The following DLL1 variants were observed in gnomAD, a reference collection of about 807,000 sequenced individuals.
The protein encoded by DLL1 is delta like canonical Notch ligand 1, also known as delta-like protein 1.
Under a neutral mutation model 75.1 loss-of-function variants are expected in DLL1, and 9 were observed. The ratio of observed to expected loss-of-function variants is 0.12; its 90% CI spans 0.07 to 0.21. The LOEUF (loss-of-function observed/expected upper bound fraction) is 0.21. DLL1 is among the 10% of genes least tolerant of loss of function. The probability of loss-of-function intolerance (pLI) is 1.00; values close to 1 mark genes in which losing one functional copy is unlikely to be tolerated. For missense variants in DLL1, 837 were observed against 1,007.6 expected (o/e 0.83, Z 2.29); for synonymous variants, 477 against 418.3 (o/e 1.14, Z -1.71).
chr6:170,282,835 T>C lies in DLL1; in HGVS notation c.*39A>G, dbSNP rs1033583. The stretch of plus-strand genomic sequence containing the variant: ...GCATATATCCTTGGAATTTTACTTA[T>C]TTTAAGAGAAACGGGAGTCTTGCCA... On this transcript the variant is annotated 3_prime_UTR_variant, in exon 11 of 11. Coordinates refer to ENST00000366756, the MANE Select transcript of DLL1 (RefSeq NM_005618.4). 6.2e-7 allele frequency: 1 copy of C among 1,613,702 alleles called. No individual in the cohort carries two copies. The highest frequency in any genetic ancestry group is 2.2e-5 in the East Asian group (1 of 44,864).
chr6:170,284,155 A>G, intron 8 of DLL1, 126 bp from the exon 9 acceptor site: 1 of 1,226,322 alleles, frequency 8.2e-7, no homozygotes, highest in South Asian at 1.3e-5. Context: ...TGTGGCCTGA[A>G]TGAGTCCACA....
Position 170,282,715 on chromosome 6 carries a change from G to A in DLL1, c.*159C>T, listed in dbSNP as rs574425432. 26 of 1,258,722 alleles carry A rather than the reference G, an allele frequency of 2.1e-5. No homozygotes were observed. The East Asian group carries it at 2.6e-4, about 12-fold the overall frequency. The allele number at this position is 1,258,722 out of a possible 1,614,324, so 78.0% of individuals were successfully genotyped here. A position where few individuals can be genotyped will look rare whatever the true frequency, so the allele number is the denominator to read the frequency against. ...GGGCCGCGACAGGCTGTCGGCAGGC[G>A]TCGAGGACCTCAGGAGGAGAACCTG... On this transcript the variant is annotated 3_prime_UTR_variant, in exon 11 of 11. Transcript: ENST00000366756.
In DLL1 at chr6:170,288,874, G is replaced by A. The variant is rs563504687; in HGVS notation, c.352-85C>T. On this transcript the variant is annotated intron_variant, in intron 2 of 10. Coordinates refer to ENST00000366756, the MANE Select transcript of DLL1 (RefSeq NM_005618.4). ...AAAAGCAGTCATTCCTAACAGCCAGGTCAGCAACAGAGGCCTGAAGGCTGC... is the reference window on the plus strand; with the variant it reads ...AAAAGCAGTCATTCCTAACAGCCAGATCAGCAACAGAGGCCTGAAGGCTGC... The A allele has an allele frequency of 7.4e-5, 110 of 1,485,706 alleles. No homozygotes were observed. In the South Asian group the frequency reaches 1.2e-3, roughly 16 times the overall value. The allele number at this position is 1,485,706 out of a possible 1,614,324, so 92.0% of individuals were successfully genotyped here. A position where few individuals can be genotyped will look rare whatever the true frequency, so the allele number is the denominator to read the frequency against.
At chr6:170,285,538 G>A (rs374614554) in intron 6 of DLL1, 31 bp downstream of exon 6, 8 of 1,614,028 alleles carry the variant, frequency 5.0e-6, no homozygotes, top group Non-Finnish European at 5.1e-6. Flanking sequence ...GCTCTGGAGG[G>A]AGCAGGCTGC....
In DLL1 at chr6:170,290,109, C is replaced by T. The variant is rs1339836464; in HGVS notation, c.31G>A (p.Val11Met). 16 of 1,592,090 alleles carry T rather than the reference C, an allele frequency of 1.0e-5. No individual in the cohort carries two copies. The highest frequency in any genetic ancestry group is 1.4e-5 in the Non-Finnish European group (16 of 1,177,142). ...ACCTGACACAGCAAGGCCGAGAGCACCGCCAGGGCCAGCGCGCACCGACTG... is the reference window on the plus strand; with the variant it reads ...ACCTGACACAGCAAGGCCGAGAGCATCGCCAGGGCCAGCGCGCACCGACTG... MGSRCALALA[V>M]LSALLCQVWS... Residue 11 changes from valine (V) to methionine (M), a missense_variant, in exon 1 of 11, where the codon GTG becomes ATG. This residue lies in a region of DLL1 where 304 missense variants were observed against 461.9 expected (regional missense o/e 0.66). Coordinates refer to ENST00000366756, the MANE Select transcript of DLL1 (RefSeq NM_005618.4). The surrounding 1 kb of genome is among the most constrained non-coding windows in gnomAD (Gnocchi z 4.7).
Position 170,282,480 on chromosome 6 carries a change from A to G in DLL1, c.*394T>C, listed in dbSNP as rs1583150408. 2 of 296,010 alleles carry G rather than the reference A, an allele frequency of 6.8e-6. No individual in the cohort carries two copies. Among genetic ancestry groups the G allele is most frequent in the Non-Finnish European group, 6.3e-6 (1 of 158,866 alleles). 18.3% of individuals were successfully genotyped at this position (296,010 alleles called of 1,614,324 possible). On this transcript the variant is annotated 3_prime_UTR_variant, in exon 11 of 11. Transcript: ENST00000366756. ...AACACACATCTTTTCCATCTAGAAA[A>G]AGCACATCTTCGTATCAAAAAGGAC...
rs1419956926 is a variant in DLL1 at position 170,283,513 on chromosome 6, G to A, written c.1766C>T (p.Thr589Ile). Residue 589 changes from threonine (T) to isoleucine (I), a missense_variant, in exon 9 of 11, where the codon ACC becomes ATC. Physicochemically the swap from Thr to Ile is moderately conservative, Grantham distance 89. This residue lies in a region of DLL1 where 533 missense variants were observed against 545.7 expected (regional missense o/e 0.98). Coordinates refer to ENST00000366756, the MANE Select transcript of DLL1 (RefSeq NM_005618.4). Reference sequence around the variant, plus strand: ...CTGGCAGTTGGCCAGGTTGTTCATGGTCTCCGTCTCCCCCCGGCAGGGGTC... The same window carrying A: ...CTGGCAGTTGGCCAGGTTGTTCATGATCTCCGTCTCCCCCCGGCAGGGGTC... The part of the protein sequence containing the change: ...PADPCRGETE[T>I]MNNLANCQRE... 6 of 1,613,692 alleles carry A rather than the reference G, an allele frequency of 3.7e-6. No individual in the cohort carries two copies. The highest frequency in any genetic ancestry group is 5.1e-6 in the Non-Finnish European group (6 of 1,180,026).
chr6:170,282,860 A>G lies in DLL1; in HGVS notation c.*14T>C, dbSNP rs751211690. 13 of 1,614,056 alleles carry G rather than the reference A, an allele frequency of 8.1e-6. No homozygotes were observed. The highest frequency in any genetic ancestry group is 2.7e-5 in the African/African-American group (2 of 74,938). On this transcript the variant is annotated 3_prime_UTR_variant, in exon 11 of 11. Coordinates refer to ENST00000366756, the MANE Select transcript of DLL1 (RefSeq NM_005618.4). ...TTTTAAGAGAAACGGGAGTCTTGCC[A>G]TCTCACTTCCATTTTACACCTGGGG...
chr6:170,285,862 C>G (rs3778591), intron 5 of DLL1, among the ~76,000 whole-genome samples, 163 bp from the exon 6 acceptor site: 1,634 of 152,312 alleles, frequency 0.011, 73 homozygotes, highest in East Asian at 0.11. Context: ...GGCCTGGGCC[C>G]CACCAGAGGT....
At chr6:170,287,923 C>A (rs954120629) in intron 4 of DLL1, among the ~76,000 whole-genome samples, 5 of 152,204 alleles carry the variant, frequency 3.3e-5, no homozygotes, top group Admixed American at 6.5e-5. Flanking sequence ...CTCTCCCTCT[C>A]TAATACACAC....
chr6:170,288,800 G>A lies in DLL1; in HGVS notation c.352-11C>T, dbSNP rs1304889948. The A allele has an allele frequency of 1.2e-6, 2 of 1,614,008 alleles. No individual in the cohort carries two copies. Among genetic ancestry groups the A allele is most frequent in the East Asian group, 4.5e-5 (2 of 44,876 alleles). On this transcript the variant is annotated splice_polypyrimidine_tract_variant and intron_variant, in intron 2 of 10. Transcript: ENST00000366756. The stretch of plus-strand genomic sequence containing the variant: ...CAGAGAGAAGGTGCCCTGGGAGAGA[G>A]GGGAGAAGACGTTAGACAACCCAGA...
In DLL1 at chr6:170,284,960, T is replaced by C. The variant is rs770864810; in HGVS notation, c.1208A>G (p.Glu403Gly). ...CPVGYSGFNC[E>G]KKIDYCSSSP... ...AGAGCTGCAGTAGTCAATTTTCTTC[T>C]CACAGTTGAAGCCGGAGTAGCCCAC... The change falls in exon 8 of 11, where the codon GAG becomes GGG. Residue 403 changes from glutamate to glycine, a missense_variant. Physicochemically the swap from Glu to Gly is moderately conservative, Grantham distance 98. This residue lies in a region of DLL1 where 533 missense variants were observed against 545.7 expected (regional missense o/e 0.98). Transcript: ENST00000366756. 2 of 1,614,086 alleles carry C rather than the reference T, an allele frequency of 1.2e-6. No homozygotes were observed. Among genetic ancestry groups the C allele is most frequent in the South Asian group, 2.2e-5 (2 of 91,070 alleles).
Position 170,283,041 on chromosome 6 carries a change from G to T in DLL1, c.2113C>A (p.Gln705Lys). The change falls in exon 10 of 11, where the codon CAG becomes AAG. Residue 705 changes from glutamine to lysine, a missense_variant. By Grantham distance (53) the Gln-to-Lys change is moderately conservative. This residue lies in a region of DLL1 where 533 missense variants were observed against 545.7 expected (regional missense o/e 0.98). Coordinates refer to ENST00000366756, the MANE Select transcript of DLL1 (RefSeq NM_005618.4). ...GCSTSKDTKY[Q>K]SVYVISEEKD... ...TCCTCGGATATGACGTACACCGACT[G>T]GTACTTGGTGTCTTTTGAAGTTGAA... The T allele has an allele frequency of 6.2e-7, 1 of 1,614,074 alleles. No homozygotes were observed.
rs1335918768 is a variant in DLL1 at position 170,288,474 on chromosome 6, G to A, written c.435C>T (p.Ser145=). 3.7e-6 allele frequency: 6 copies of A among 1,614,102 alleles called. No homozygotes were observed. In the South Asian group the frequency reaches 6.6e-5, roughly 18 times the overall value. The change falls in exon 4 of 11, where the codon AGC becomes AGT. Residue 145 remains serine (S), a synonymous_variant. Transcript: ENST00000366756. The part of the protein sequence containing the change: ...LATENPERLI[S]RLATQRHLTV... The stretch of plus-strand genomic sequence containing the variant: ...TCAGGTGCCTCTGGGTGGCCAGGCG[G>A]CTGATGAGTCTTTCTGGGTTTTCTA...
chr6:170,288,315 G>A lies in DLL1; in HGVS notation c.594C>T (p.Ala198=). The change falls in exon 4 of 11, where the codon GCC becomes GCT. Residue 198 remains alanine (A), a synonymous_variant. Coordinates refer to ENST00000366756, the MANE Select transcript of DLL1 (RefSeq NM_005618.4). ...GCTCCCCACAGGTGAAGTGGCCGAA[G>A]GCATCGTCCCGGGGACGGCAGAAAA... ...CSVFCRPRDD[A]FGHFTCGERG... The A allele has an allele frequency of 1.2e-6, 2 of 1,614,108 alleles. No homozygotes were observed. The highest frequency in any genetic ancestry group is 4.5e-5 in the East Asian group (2 of 44,884).
intron 5 of DLL1, among the ~76,000 whole-genome samples, chr6:170,286,030 G>A (rs566105355): frequency 5.9e-5 from 9 of 152,294 alleles, no homozygotes; most frequent in Non-Finnish European, 1.2e-4. Context: ...TCTCATAGCC[G>A]TTAAGGGGCT....
chr6:170,290,953 T>C lies in DLL1; in HGVS notation c.-814A>G, dbSNP rs1027302180. The C allele has an allele frequency of 1.1e-5, 8 of 699,900 alleles. No homozygotes were observed. The African/African-American group carries it at 1.2e-4, about 11-fold the overall frequency. 43.4% of individuals were successfully genotyped at this position (699,900 alleles called of 1,614,324 possible). On this transcript the variant is annotated 5_prime_UTR_variant, in exon 1 of 11. Coordinates refer to ENST00000366756, the MANE Select transcript of DLL1 (RefSeq NM_005618.4). This position sits in a 1 kb window ranked among gnomAD's most constrained non-coding sequence, Gnocchi z 4.7. Reference sequence around the variant, plus strand: ...TGGCTCTCGCCGGCGCCTGCCGCCCTTATATTCAGCCGGCCGCCCGCATGG... The same window carrying C: ...TGGCTCTCGCCGGCGCCTGCCGCCCCTATATTCAGCCGGCCGCCCGCATGG...
chr6:170,288,420 C>T lies in DLL1; in HGVS notation c.489G>A (p.Leu163=). The change falls in exon 4 of 11, where the codon CTG becomes CTA. Residue 163 remains leucine, a synonymous_variant. Transcript: ENST00000366756. The part of the protein sequence containing the change: ...LTVGEEWSQD[L]HSSGRTDLKY... ...TGAGGTCCGTGCGGCCGCTGCTGTG[C>T]AGGTCCTGGGACCACTCCTCGCCCA... The T allele has an allele frequency of 6.2e-7, 1 of 1,614,090 alleles. No individual in the cohort carries two copies. Among genetic ancestry groups the T allele is most frequent in the Non-Finnish European group, 8.5e-7 (1 of 1,180,048 alleles).
At chr6:170,285,233 G>A in intron 7 of DLL1, 21 bp downstream of exon 7, 1 of 1,614,162 alleles carries the variant, frequency 6.2e-7, no homozygotes, top group Non-Finnish European at 8.5e-7. Flanking sequence ...CGGGTGAGAT[G>A]CCATGGAGCC....
Sources: gnomAD v4.1 joint callset for allele counts (sites outside exome capture counted in the v4.1 genomes callset) on GRCh38, gnomAD v4.1.1 for gene constraint, gnomAD v4.1.1 regional missense constraint, Gnocchi (gnomAD v3.1) non-coding constraint, MANE v1.5 for transcripts, NCBI Gene and HGNC (gene_info 2026-07-23, HGNC 2026-07-21) for gene names.